Variants in CXADR observed in about 807,000 individuals in gnomAD.
CXADR encodes the protein CXADR cell adhesion molecule, also known as coxsackievirus and adenovirus receptor.
In CXADR, 20 loss-of-function variants were observed where a neutral mutation model predicts 40.3. That is an observed-to-expected ratio of 0.50 (90% CI 0.35 to 0.72). CXADR has a LOEUF of 0.72. Among genes scored for constraint, CXADR ranks in the 30% least tolerant of loss-of-function variants. The pLI, the probability that CXADR is intolerant of heterozygous loss-of-function variation, is 0.01. For synonymous variants in CXADR, 150 were observed against 161.3 expected (o/e 0.93, Z 0.53); for missense variants, 332 against 449.1 (o/e 0.74, Z 2.36).
chr21:17,517,519 G>A (rs2060476223), intron 1 of CXADR, among the ~76,000 whole-genome samples: 1 of 152,188 alleles, frequency 6.6e-6, no homozygotes, highest in African/African-American at 2.4e-5. Context: ...TGATTCAAAA[G>A]CACATTCCCA....
At chr21:17,574,921 A>G (rs1332859739), downstream of CXADR, among the ~76,000 whole-genome samples, 1 of 151,292 alleles carries the variant, frequency 6.6e-6, no homozygotes, top group African/African-American at 2.4e-5. Flanking sequence ...CAAGTGCCCA[A>G]ACTATGGGCA....
the CXADR span, among the ~76,000 whole-genome samples, chr21:17,626,395 AT>A: frequency 6.6e-6 from 1 of 152,170 alleles, no homozygotes; most frequent in Non-Finnish European, 1.5e-5. Flanking sequence ...TGATAATGGT[AT>A]TTATTACCAT....
downstream of CXADR, chr21:17,593,965 TA>T: frequency 8.9e-7 from 1 of 1,124,130 alleles, no homozygotes; most frequent in Non-Finnish European, 1.2e-6. Context: ...ATAACTTCTA[TA>T]AAAATAAGTT....
rs1219381206 is a variant in CXADR, at chr21:17,587,197, C to A, written c.1018-5955C>A. On this transcript the variant is annotated intron_variant, in intron 7 of 7. Transcript: ENST00000400169. ...TATTGTGAATAGTGCCGCAATAAAC[C>A]TACGTGTGCATGTGTCCTTATAGCA... 3.9e-5 allele frequency among the ~76,000 whole-genome samples: 6 copies of A among 152,170 alleles called. No individual in the cohort carries two copies. The East Asian group carries it at 7.7e-4, about 20-fold the overall frequency.
intron 2 of CXADR, among the ~76,000 whole-genome samples, chr21:17,550,245 T>C (rs920207656): frequency 2.0e-5 from 3 of 151,308 alleles, no homozygotes; most frequent in Admixed American, 1.3e-4. Flanking sequence ...TCCCAGCTCC[T>C]CGGGAGGCTG....
chr21:17,554,509 T>C (rs1024285916), intron 3 of CXADR, among the ~76,000 whole-genome samples: 2 of 151,986 alleles, frequency 1.3e-5, no homozygotes, highest in African/African-American at 2.4e-5. Flanking sequence ...GGGGATAAAC[T>C]GGGGATGAGA....
chr21:17,574,524 C>T (rs949771156), downstream of CXADR, among the ~76,000 whole-genome samples: 1 of 152,018 alleles, frequency 6.6e-6, no homozygotes, highest in Non-Finnish European at 1.5e-5. Context: ...AAAGCAGAAC[C>T]CTGTTTTAGC....
At chr21:17,549,923 G>A (rs1008258227) in intron 2 of CXADR, among the ~76,000 whole-genome samples, 17 of 152,176 alleles carry the variant, frequency 1.1e-4, no homozygotes, top group Admixed American at 8.5e-4. Context: ...TTTGACAAGT[G>A]GGTATGTCAA....
intron 1 of CXADR, among the ~76,000 whole-genome samples, chr21:17,516,605 G>C (rs2060465239): frequency 6.6e-6 from 1 of 152,158 alleles, no homozygotes; most frequent in African/African-American, 2.4e-5. Flanking sequence ...CCAACCTCTT[G>C]TTAGCTATTT....
At chr21:17,631,489 A>C in the CXADR span, among the ~76,000 whole-genome samples, 2 of 152,200 alleles carry the variant, frequency 1.3e-5, no homozygotes, top group Non-Finnish European at 2.9e-5. Flanking sequence ...GTGAGATAGC[A>C]CTCACAGATG....
chr21:17,561,426 T>G lies in CXADR; in HGVS notation c.783T>G (p.Arg261=). 6.2e-7 allele frequency: 1 copy of G among 1,612,828 alleles called. No homozygotes were observed. Among genetic ancestry groups the G allele is most frequent in the Non-Finnish European group, 8.5e-7 (1 of 1,179,324 alleles). The change falls in exon 6 of 7, where the codon CGT becomes CGG. Residue 261 remains arginine (R), a synonymous_variant. Coordinates refer to ENST00000284878, the MANE Select transcript of CXADR (RefSeq NM_001338.5). The part of the protein sequence containing the change: ...ALIGLIIFCC[R]KKRREEKYEK... ...TTGGTCTTATCATCTTTTGCTGTCG[T>G]AAAAAGCGCAGAGAAGAAAAATATG...
Position 17,513,454 on chromosome 21 carries a change from C to T in CXADR, c.43+282C>T, listed in dbSNP as rs117983824. Among the ~76,000 whole-genome samples the T allele has an allele frequency of 5.6e-3, 857 of 152,250 alleles. 30 individuals are homozygous for T. The East Asian group carries it at 0.11, about 19-fold the overall frequency. ...GGGCTCGGGCGCGGCGTGTCGGGTG[C>T]GCCTCGCAGCTCTCCCATAGCATTC... is the stretch of plus-strand genomic sequence containing the variant. On this transcript the variant is annotated intron_variant, in intron 1 of 6. Transcript: ENST00000284878.
At chr21:17,598,621 T>C in the CXADR span, 2 of 1,613,694 alleles carry the variant, frequency 1.2e-6, no homozygotes. Flanking sequence ...GGTTACCTGG[T>C]ACACAGGACT....
the CXADR span, chr21:17,608,657 C>T: frequency 3.8e-6 from 1 of 266,244 alleles, no homozygotes. Flanking sequence ...TATTAGGGGT[C>T]CTCTAGAATT....
At chr21:17,584,606 C>T (rs941346037) in intron 7 of CXADR, among the ~76,000 whole-genome samples, 5 of 152,116 alleles carry the variant, frequency 3.3e-5, no homozygotes, top group South Asian at 2.1e-4. Flanking sequence ...CCGAGGAGGG[C>T]GGATCACGAG....
chr21:17,604,665 T>A, the CXADR span, among the ~76,000 whole-genome samples: 1 of 152,346 alleles, frequency 6.6e-6, no homozygotes, highest in East Asian at 1.9e-4. Flanking sequence ...CAGTTTCTTT[T>A]TTCGGCTATA....
At chr21:17,570,290 C>G (rs140968645), downstream of CXADR, among the ~76,000 whole-genome samples, 20 of 152,304 alleles carry the variant, frequency 1.3e-4, no homozygotes, top group African/African-American at 4.8e-4. Context: ...AGACCATTAT[C>G]TCCCCATTCC....
At chr21:17,605,933 G>C in the CXADR span, among the ~76,000 whole-genome samples, 2 of 152,066 alleles carry the variant, frequency 1.3e-5, no homozygotes, top group Non-Finnish European at 2.9e-5. Flanking sequence ...GGAAATACAA[G>C]TTAATTGATG....
In CXADR at chr21:17,569,050, G is replaced by C. The variant is rs2061251851; in HGVS notation, c.*3358G>C. On this transcript the variant is annotated 3_prime_UTR_variant, in exon 7 of 7. Transcript: ENST00000284878. The stretch of plus-strand genomic sequence containing the variant: ...AAATTTGGAACAAGTAAAGGGGCAA[G>C]TAAACCTTTTGATGAAATATAAAAG... 3.9e-5 allele frequency: 38 copies of C among 985,394 alleles called. No individual in the cohort carries two copies. The highest frequency in any genetic ancestry group is 4.6e-5 in the Non-Finnish European group (38 of 829,928). The allele number at this position is 985,394 out of a possible 1,614,324, so 61.0% of individuals were successfully genotyped here.
Sources: allele counts gnomAD v4.1 joint callset (sites outside exome capture counted in the v4.1 genomes callset), GRCh38; gene constraint gnomAD v4.1.1; transcripts MANE v1.5; gene names NCBI Gene and HGNC (gene_info 2026-07-23, HGNC 2026-07-21).